USH2A: variants seen among roughly 807,000 people sequenced by gnomAD.
USH2A encodes usherin, also known as Usher syndrome 2A (autosomal recessive, mild).
In USH2A, 443 loss-of-function variants were observed where a neutral mutation model predicts 538.9. The ratio of observed to expected loss-of-function variants is 0.82; its 90% CI spans 0.76 to 0.89. The LOEUF (loss-of-function observed/expected upper bound fraction) is 0.89, where lower values mean the gene tolerates loss of function less well. USH2A is among the 40% of genes least tolerant of loss of function. The probability of loss-of-function intolerance (pLI) is 0.00; values close to 1 mark genes in which losing one functional copy is unlikely to be tolerated. For synonymous variants in USH2A, 2,413 were observed against 2,273.5 expected (o/e 1.06, Z -1.75); for missense variants, 6,633 against 6,324.8 (o/e 1.05, Z -1.65).
chr1:215,803,708 C>T (rs1662407563), intron 49 of USH2A, among the ~76,000 whole-genome samples: 1 of 152,080 alleles, frequency 6.6e-6, no homozygotes, highest in Non-Finnish European at 1.5e-5. Context: ...GCCATACCGC[C>T]CAAGGTAATT....
At chr1:215,634,331 C>G in intron 70 of USH2A, 128 bp downstream of exon 70, 13 of 1,486,686 alleles carry the variant, frequency 8.7e-6, no homozygotes, top group African/African-American at 1.4e-5. Context: ...CTCTTGGTCC[C>G]CACACTTAGT....
intron 64 of USH2A, among the ~76,000 whole-genome samples, chr1:215,652,439 A>G (rs1485679071): frequency 6.6e-6 from 1 of 152,246 alleles, no homozygotes; most frequent in Non-Finnish European, 1.5e-5. Context: ...ATAGACATGT[A>G]CAAGTTGTCT....
intron 30 of USH2A, among the ~76,000 whole-genome samples, chr1:216,059,832 T>C (rs1466744651): frequency 2.6e-5 from 4 of 152,200 alleles, no homozygotes; most frequent in African/African-American, 9.6e-5. Flanking sequence ...CTTGCCTTTC[T>C]ATATGGGGCA....
intron 44 of USH2A, among the ~76,000 whole-genome samples, chr1:215,846,564 GC>G (rs1409879562): frequency 3.3e-5 from 5 of 152,096 alleles, no homozygotes; most frequent in Non-Finnish European, 7.4e-5. Flanking sequence ...ATAATTAATT[GC>G]AGTCTTATGT....
intron 4 of USH2A, among the ~76,000 whole-genome samples, chr1:216,359,743 T>A (rs938237438): frequency 6.6e-6 from 1 of 152,100 alleles, no homozygotes; most frequent in East Asian, 1.9e-4. Flanking sequence ...AATGATAGGA[T>A]TGTGTACCTA....
chr1:216,340,788 T>C (rs958416524), intron 4 of USH2A, among the ~76,000 whole-genome samples: 13 of 152,102 alleles, frequency 8.5e-5, no homozygotes, highest in African/African-American at 3.1e-4. Context: ...TTCAATAAAA[T>C]TCAACACCCC....
At chr1:216,007,532 G>A (rs1668427935) in intron 32 of USH2A, among the ~76,000 whole-genome samples, 1 of 152,198 alleles carries the variant, frequency 6.6e-6, no homozygotes, top group Non-Finnish European at 1.5e-5. Flanking sequence ...CTCTCTGAAG[G>A]AGGGGCCCTG....
rs760787084 is a variant in USH2A at position 216,421,905 on chromosome 1, C to T, written c.432G>A (p.Leu144=). The T allele has an allele frequency of 2.0e-5, 33 of 1,613,800 alleles. No individual in the cohort carries two copies. In the Middle Eastern group the frequency reaches 4.9e-4, roughly 24 times the overall value. Residue 144 remains leucine (L), a synonymous_variant, in exon 2 of 72, where the codon CTG becomes CTA. Transcript: ENST00000307340. The part of the protein sequence containing the change: ...SCFSSPPSPK[L]MASFTLAVWL... ...ATACAGCTAAGGTAAATGATGCCAT[C>T]AGCTTTGGAGAAGGAGGAGAAGAAA...
At position 216,198,533 on chromosome 1, in the gene USH2A, TC is replaced by T; in HGVS notation, c.3862del (p.Glu1288LysfsTer22). On this transcript the variant is annotated frameshift_variant, in exon 18 of 72. Transcript: ENST00000307340. LOFTEE classifies it high-confidence loss of function. ...LYMRRLRSTK[E>X]TTSEESRVFQ... ...AACTCGACTTTCCTCAGATGTGGTTTCTTTAGTAGATCTCAGTCTTCTCATG... is the reference window on the plus strand; with the variant it reads ...AACTCGACTTTCCTCAGATGTGGTTTTTTAGTAGATCTCAGTCTTCTCATG... The T allele has an allele frequency of 1.9e-6, 3 of 1,613,934 alleles. No individual in the cohort carries two copies. Among genetic ancestry groups the T allele is most frequent in the Non-Finnish European group, 1.7e-6 (2 of 1,179,932 alleles).
At chr1:215,756,327 G>A (rs567419767) in intron 58 of USH2A, among the ~76,000 whole-genome samples, 9 of 152,070 alleles carry the variant, frequency 5.9e-5, no homozygotes, top group Non-Finnish European at 8.8e-5. Flanking sequence ...TTTCAAATTC[G>A]TACTGAACAT....
chr1:215,779,111 C>T (rs1243967917), intron 55 of USH2A, among the ~76,000 whole-genome samples: 1 of 152,130 alleles, frequency 6.6e-6, no homozygotes, highest in African/African-American at 2.4e-5. Context: ...AAAAAACAAA[C>T]ACTAAAATAT....
rs1360770778 is a variant in USH2A, at chr1:215,999,166, A to T, written c.6486-108T>A. Reference sequence around the variant, plus strand: ...TGGATTTGTGACACTTTTTTAAAAAACATAAATCTCAAAATTGATTCATTT... The same window carrying T: ...TGGATTTGTGACACTTTTTTAAAAATCATAAATCTCAAAATTGATTCATTT... On this transcript the variant is annotated intron_variant, in intron 33 of 71. Transcript: ENST00000307340. 1.2e-5 allele frequency: 12 copies of T among 961,186 alleles called. No homozygotes were observed. The Admixed American group carries it at 1.3e-4, about 11-fold the overall frequency. The allele number at this position is 961,186 out of a possible 1,614,324, so 59.5% of individuals were successfully genotyped here. A position where few individuals can be genotyped will look rare whatever the true frequency, so the allele number is the denominator to read the frequency against.
At chr1:215,852,849 T>C (rs537000818) in intron 44 of USH2A, among the ~76,000 whole-genome samples, 1 of 152,344 alleles carries the variant, frequency 6.6e-6, no homozygotes, top group East Asian at 1.9e-4. Flanking sequence ...TGGGTTCCCA[T>C]GGTCTTGGGC....
At chr1:215,887,194 G>C (rs1665081521) in intron 41 of USH2A, among the ~76,000 whole-genome samples, 1 of 152,146 alleles carries the variant, frequency 6.6e-6, no homozygotes, top group South Asian at 2.1e-4. Flanking sequence ...GCCACAATCA[G>C]TAACGCCTAG....
chr1:215,984,136 C>CT (rs1667816846), intron 35 of USH2A, among the ~76,000 whole-genome samples: 1 of 152,126 alleles, frequency 6.6e-6, no homozygotes, highest in South Asian at 2.1e-4. Flanking sequence ...AAGGTTCAGC[C>CT]TTACAGGGCA....
intron 3 of USH2A, among the ~76,000 whole-genome samples, chr1:216,392,491 CAAAAAA>C (rs55951311): frequency 1.2e-4 from 6 of 49,484 alleles, no homozygotes; most frequent in East Asian, 1.3e-3. Flanking sequence ...GACTCCGTCT[CAAAAAA>C]AAAAAAAAAA....
At chr1:216,245,578 TCTC>T (rs968677606) in intron 13 of USH2A, among the ~76,000 whole-genome samples, 4 of 151,868 alleles carry the variant, frequency 2.6e-5, no homozygotes, top group Admixed American at 1.3e-4. Flanking sequence ...CAGTGGTCCT[TCTC>T]CTTAGGTTTT....
At chr1:216,348,920 G>A (rs1021704449) in intron 4 of USH2A, among the ~76,000 whole-genome samples, 6 of 151,942 alleles carry the variant, frequency 3.9e-5, no homozygotes, top group Non-Finnish European at 7.4e-5. Flanking sequence ...TCTAATTCTG[G>A]GCACATACTG....
intron 61 of USH2A, among the ~76,000 whole-genome samples, chr1:215,691,434 C>T (rs940751181): frequency 6.6e-6 from 1 of 152,086 alleles, no homozygotes; most frequent in Non-Finnish European, 1.5e-5. Context: ...TAAACAAGCT[C>T]GTGCCTTGAG....
Sources: allele counts gnomAD v4.1 joint callset (sites outside exome capture counted in the v4.1 genomes callset), GRCh38; gene constraint gnomAD v4.1.1; transcripts MANE v1.5; gene names NCBI Gene and HGNC (gene_info 2026-07-23, HGNC 2026-07-21).